The following FAM110B variants were observed in gnomAD, a reference collection of about 807,000 sequenced individuals.
The protein encoded by FAM110B is family with sequence similarity 110 member B.
FAM110B carries 6 observed loss-of-function variants against 20.4 expected under a neutral mutation model. The ratio of observed to expected loss-of-function variants is 0.29; its 90% CI spans 0.16 to 0.58. FAM110B has a LOEUF of 0.58. FAM110B is among the 20% of genes least tolerant of loss of function. FAM110B has a pLI of 0.90. For missense variants in FAM110B, 434 were observed against 498.2 expected, an observed-to-expected ratio of 0.87 and a Z score of 1.23; for synonymous variants, 226 against 214.1, an observed-to-expected ratio of 1.06 and a Z score of -0.49.
At chr8:58,007,146 A>G (rs907876253) in intron 1 of FAM110B, among the ~76,000 whole-genome samples, 1 of 151,878 alleles carries the variant, frequency 6.6e-6, no homozygotes, top group African/African-American at 2.4e-5. Flanking sequence ...CTGGAATGTC[A>G]TCTTCACCTT....
At chr8:58,120,130 G>C (rs1489162079) in intron 3 of FAM110B, among the ~76,000 whole-genome samples, 2 of 152,190 alleles carry the variant, frequency 1.3e-5, no homozygotes, top group Non-Finnish European at 2.9e-5. Context: ...CACATGGCTG[G>C]AGCATATTTA....
intron 1 of FAM110B, among the ~76,000 whole-genome samples, chr8:58,029,263 C>A (rs958185388): frequency 1.3e-5 from 2 of 152,110 alleles, no homozygotes; most frequent in Non-Finnish European, 2.9e-5. Flanking sequence ...CTCTATAAAT[C>A]GACTTGAAAA....
chr8:57,997,668 A>T (rs1169011491), intron 1 of FAM110B, among the ~76,000 whole-genome samples: 1 of 152,222 alleles, frequency 6.6e-6, no homozygotes, highest in Non-Finnish European at 1.5e-5. Context: ...GATATTCAGG[A>T]TGAAGACTGA....
At chr8:58,052,838 T>C (rs907420787) in intron 2 of FAM110B, among the ~76,000 whole-genome samples, 4 of 124,230 alleles carry the variant, frequency 3.2e-5, no homozygotes, top group Non-Finnish European at 6.4e-5. Context: ...CAGGCTGGAG[T>C]GCAGTGGCGC....
intron 3 of FAM110B, among the ~76,000 whole-genome samples, chr8:58,140,159 C>T (rs1363629424): frequency 2.6e-5 from 4 of 151,986 alleles, no homozygotes; most frequent in African/African-American, 9.7e-5. Flanking sequence ...ACCACTTCTC[C>T]GTAGTCAAGT....
intron 1 of FAM110B, among the ~76,000 whole-genome samples, chr8:58,026,235 A>C (rs1342011533): frequency 6.6e-6 from 1 of 152,188 alleles, no homozygotes; most frequent in African/African-American, 2.4e-5. Context: ...GATAAACTCA[A>C]ACTTGCAGGC....
In FAM110B at chr8:58,133,657, C is replaced by T. The variant is rs112895003; in HGVS notation, c.-324-12250C>T. ...GAATGTGGAGGCAGGCATCAGAGAG[C>T]CTGGGAAGGAGGAGGGCATCTTGGT... is the stretch of plus-strand genomic sequence containing the variant. On this transcript the variant is annotated intron_variant, in intron 3 of 3. Transcript: ENST00000519262. Among the ~76,000 whole-genome samples, 502 of 152,250 alleles carry T rather than the reference C, an allele frequency of 3.3e-3. 1 individual carries two copies. The highest frequency in any genetic ancestry group is 5.0e-3 in the Non-Finnish European group (337 of 68,012).
intron 3 of FAM110B, among the ~76,000 whole-genome samples, chr8:58,121,297 A>G (rs1807355623): frequency 6.6e-6 from 1 of 152,178 alleles, no homozygotes; most frequent in South Asian, 2.1e-4. Context: ...AATGCTTTTG[A>G]TGTATTCTCC....
At chr8:58,111,047 A>G (rs533538497) in intron 3 of FAM110B, among the ~76,000 whole-genome samples, 1 of 152,324 alleles carries the variant, frequency 6.6e-6, no homozygotes, top group East Asian at 1.9e-4. Context: ...TCATTATAGT[A>G]ATTCATACAT....
chr8:58,023,524 C>T (rs946538231), intron 1 of FAM110B, among the ~76,000 whole-genome samples: 8 of 152,230 alleles, frequency 5.3e-5, no homozygotes, highest in East Asian at 1.9e-4. Context: ...CAAGTTCAAA[C>T]GTTTTTAAGG....
At chr8:58,130,462 C>T (rs922975551) in intron 3 of FAM110B, among the ~76,000 whole-genome samples, 14 of 152,160 alleles carry the variant, frequency 9.2e-5, no homozygotes, top group Admixed American at 6.5e-4. Context: ...CTAGAACCTG[C>T]GGTCACACCA....
At chr8:58,105,608 G>A (rs900106680) in intron 3 of FAM110B, among the ~76,000 whole-genome samples, 7 of 119,326 alleles carry the variant, frequency 5.9e-5, no homozygotes, top group Non-Finnish European at 9.6e-5. Flanking sequence ...TGGCTCTGTC[G>A]CCCAGGCTGG....
rs190576512 is a variant in FAM110B, at chr8:58,117,787, A to C, written c.-324-28120A>C. 3.8e-3 allele frequency among the ~76,000 whole-genome samples: 576 copies of C among 152,292 alleles called. 6 individuals carry two copies. The highest frequency in any genetic ancestry group is 5.2e-3 in the Non-Finnish European group (355 of 68,028). On this transcript the variant is annotated intron_variant, in intron 3 of 3. Coordinates refer to ENST00000519262, the MANE Select transcript of FAM110B (RefSeq NM_001377989.1). ...ATTATTATGTAGTATGTGCCTAATG[A>C]ATATGTACATAAATAAACATAGTCT... is the stretch of plus-strand genomic sequence containing the variant.
chr8:58,024,861 AG>A, intron 1 of FAM110B, among the ~76,000 whole-genome samples: 1 of 152,332 alleles, frequency 6.6e-6, no homozygotes, highest in Admixed American at 6.5e-5. Context: ...AGAGTATATT[AG>A]CTAATCATTT....
At chr8:58,074,268 C>G (rs1378032426) in intron 2 of FAM110B, among the ~76,000 whole-genome samples, 1 of 152,122 alleles carries the variant, frequency 6.6e-6, no homozygotes, top group Non-Finnish European at 1.5e-5. Context: ...TAGCTATTCT[C>G]CAACGCTCTG....
In FAM110B at chr8:58,146,062, T is replaced by C. The variant is rs1423104360; in HGVS notation, c.-169T>C. 1.3e-5 allele frequency: 9 copies of C among 708,560 alleles called. No homozygotes were observed. The highest frequency in any genetic ancestry group is 6.4e-5 in the Admixed American group (2 of 31,138). 43.9% of individuals were successfully genotyped at this position (708,560 alleles called of 1,614,324 possible). ...GGAGAAAAGTGTATGAAAGCCACCG[T>C]GGCGGTTAATGAGCTGTGAGATGAG... is the stretch of plus-strand genomic sequence containing the variant. On this transcript the variant is annotated 5_prime_UTR_variant, in exon 4 of 4. Coordinates refer to ENST00000519262, the MANE Select transcript of FAM110B (RefSeq NM_001377989.1).
At chr8:58,099,092 G>A in intron 3 of FAM110B, 1 of 152,192 alleles carries the variant, frequency 6.6e-6, no homozygotes, top group Non-Finnish European at 1.5e-5. Flanking sequence ...TTTGTGTGCA[G>A]TGTTTCTATT....
intron 3 of FAM110B, among the ~76,000 whole-genome samples, chr8:58,089,647 T>G (rs1806425496): frequency 6.6e-6 from 1 of 152,162 alleles, no homozygotes; most frequent in South Asian, 2.1e-4. Flanking sequence ...CACTCCAACT[T>G]CATAATGATA....
At chr8:58,117,747 A>C (rs2150624510) in intron 3 of FAM110B, among the ~76,000 whole-genome samples, 1 of 152,310 alleles carries the variant, frequency 6.6e-6, no homozygotes, top group Non-Finnish European at 1.5e-5. Context: ...TCTGAGTGCT[A>C]TTTCTATAAT....
Sources: allele counts gnomAD v4.1 joint callset (sites outside exome capture counted in the v4.1 genomes callset), GRCh38; gene constraint gnomAD v4.1.1; transcripts MANE v1.5; gene names NCBI Gene and HGNC (gene_info 2026-07-23, HGNC 2026-07-21).